HSPG2: variants seen among roughly 807,000 people sequenced by gnomAD.
The protein encoded by HSPG2 is heparan sulfate proteoglycan 2.
HSPG2 carries 278 observed loss-of-function variants against 526.6 expected under a neutral mutation model. The observed-to-expected ratio is 0.53, with a 90% CI of 0.48 to 0.58. The LOEUF (loss-of-function observed/expected upper bound fraction) is 0.58, where lower values mean the gene tolerates loss of function less well. HSPG2 is among the 20% of genes least tolerant of loss of function. HSPG2 has a pLI of 0.00. For missense variants in HSPG2, 5,354 were observed against 6,099.5 expected (o/e 0.88, Z 4.07); for synonymous variants, 2,465 against 2,555.4 (o/e 0.96, Z 1.07).
At chr1:21,905,299 T>C (rs1643321283) in intron 1 of HSPG2, among the ~76,000 whole-genome samples, 1 of 150,822 alleles carries the variant, frequency 6.6e-6, no homozygotes, top group Non-Finnish European at 1.5e-5. Flanking sequence ...CCAACCTCTT[T>C]TGCTACTGTG....
Position 21,831,743 on chromosome 1 carries a change from A to G in HSPG2, c.11261T>C (p.Leu3754Pro), listed in dbSNP as rs771019769. The change falls in exon 82 of 97, where the codon CTG (leucine) becomes CCG (proline). Residue 3754 changes from leucine (L) to proline (P), a missense_variant. Coordinates refer to ENST00000374695, the MANE Select transcript of HSPG2 (RefSeq NM_005529.7). ...ATIRHPTPLA[L>P]GHFHTVTLLR... is the part of the protein sequence containing the mutation. ...CAGGGTCACGGTGTGGAAATGGCCC[A>G]GGGCCAGTGGTGTGGGATGGCGGAT... 3.3e-5 allele frequency: 53 copies of G among 1,606,292 alleles called. No homozygotes were observed. The highest frequency in any genetic ancestry group is 4.2e-5 in the Non-Finnish European group (49 of 1,174,892).
chr1:21,930,046 A>T (rs1002187403), intron 1 of HSPG2, among the ~76,000 whole-genome samples: 2 of 152,106 alleles, frequency 1.3e-5, no homozygotes, highest in African/African-American at 4.8e-5. Context: ...TCCCATGGCC[A>T]AAGCTCTGCT....
Position 21,854,338 on chromosome 1 carries a change from G to C in HSPG2, c.6294C>G (p.His2098Gln), listed in dbSNP as rs777974605. Residue 2098 changes from histidine (H) to glutamine (Q), a missense_variant, in exon 50 of 97, where the codon CAC becomes CAG. By Grantham distance (24) the His-to-Gln change is conservative. Coordinates refer to ENST00000374695, the MANE Select transcript of HSPG2 (RefSeq NM_005529.7). ...GGSLPPHTQV[H>Q]GSRLRLPQVS... ...CCTGGGGGAGCCGCAGACGGGAGCCGTGCACCTGGGCCAGGAGGAGCCAGA... is the reference window on the plus strand; with the variant it reads ...CCTGGGGGAGCCGCAGACGGGAGCCCTGCACCTGGGCCAGGAGGAGCCAGA... 1.3e-6 allele frequency: 2 copies of C among 1,567,854 alleles called. No individual in the cohort carries two copies. The highest frequency in any genetic ancestry group is 1.9e-5 in the Admixed American group (1 of 52,438).
intron 33 of HSPG2, chr1:21,869,431 G>A: frequency 1.0e-6 from 1 of 985,340 alleles, no homozygotes; most frequent in Non-Finnish European, 1.2e-6. Context: ...AAGCATGGTG[G>A]GTGGGGATCC....
In HSPG2 at chr1:21,887,266, G is replaced by A. The variant is rs549654655; in HGVS notation, c.1027C>T (p.Arg343Cys). The change falls in exon 9 of 97, where the codon CGC becomes TGC. Residue 343 changes from arginine to cysteine, a missense_variant. Coordinates refer to ENST00000374695, the MANE Select transcript of HSPG2 (RefSeq NM_005529.7). This position sits in a 1 kb window ranked among gnomAD's most constrained non-coding sequence, Gnocchi z 5.0. ...GNGHCALKLWRCDGDFDCEDR... is the reference protein window; with the variant it reads ...GNGHCALKLWCCDGDFDCEDR... ...TCACAGTCAAAGTCACCATCGCAGC[G>A]CCACAGCTTGAGGGCACAATGTCCA... The A allele has an allele frequency of 7.4e-6, 12 of 1,613,860 alleles. No individual in the cohort carries two copies. The highest frequency in any genetic ancestry group is 4.4e-5 in the South Asian group (4 of 91,070).
intron 1 of HSPG2, among the ~76,000 whole-genome samples, chr1:21,899,662 C>G (rs774054669): frequency 1.6e-4 from 25 of 152,158 alleles, no homozygotes; most frequent in Non-Finnish European, 3.1e-4. Context: ...TGCAAAGCCT[C>G]TCAGCCACAC....
chr1:21,908,702 C>A, intron 1 of HSPG2: 53 of 420,460 alleles, frequency 1.3e-4, no homozygotes, highest in Non-Finnish European at 1.6e-4. Flanking sequence ...TGAAAGCCAT[C>A]AACTTAAACG....
chr1:21,828,089 G>A lies in HSPG2; in HGVS notation c.12473C>T (p.Thr4158Ile), dbSNP rs2097984608. ...GCAGAGGCAGCGGGTGCCCTGGCAG[G>A]TGCCCCCATGCAGACAGGGTTCACG... is the stretch of plus-strand genomic sequence containing the variant. The part of the protein sequence containing the change: ...QLREPCLHGG[T>I]CQGTRCLCLP... Residue 4158 changes from threonine (T) to isoleucine (I), a missense_variant, in exon 90 of 97, where the codon ACC becomes ATC. Physicochemically the swap from Thr to Ile is moderately conservative, Grantham distance 89. Transcript: ENST00000374695. The surrounding 1 kb of genome is among the most constrained non-coding windows in gnomAD (Gnocchi z 6.0). The A allele has an allele frequency of 3.1e-6, 5 of 1,613,248 alleles. No individual in the cohort carries two copies. The highest frequency in any genetic ancestry group is 1.1e-5 in the South Asian group (1 of 91,072).
chr1:21,857,225 G>T (rs748482700), intron 43 of HSPG2, 30 bp from the exon 44 acceptor site: 2 of 1,613,848 alleles, frequency 1.2e-6, no homozygotes, highest in Non-Finnish European at 1.7e-6. Flanking sequence ...GGGGTCATGG[G>T]TGGGGCTCAG....
intron 77 of HSPG2, 78 bp downstream of exon 77, chr1:21,834,601 G>T: frequency 6.6e-7 from 1 of 1,524,202 alleles, no homozygotes. Flanking sequence ...AGAGCAGAGC[G>T]GGCAGGCAGA....
Position 21,890,713 on chromosome 1 carries a change from A to T in HSPG2, c.245-19T>A. The T allele has an allele frequency of 2.5e-6, 4 of 1,587,260 alleles. No individual in the cohort carries two copies. Among genetic ancestry groups the T allele is most frequent in the Non-Finnish European group, 3.5e-6 (4 of 1,157,336 alleles). ...AAATAAACTGGAAAATCGAAGGAGG[A>T]TCATTTTGAGAGCCCCAGCCTGGCA... On this transcript the variant is annotated intron_variant, in intron 3 of 96. Transcript: ENST00000374695. This position sits in a 1 kb window ranked among gnomAD's most constrained non-coding sequence, Gnocchi z 4.1.
rs2098038778 is a variant in HSPG2, at chr1:21,839,148, T to C, written c.9890-63A>G. 1 of 1,539,870 alleles carries C rather than the reference T, an allele frequency of 6.5e-7. No homozygotes were observed. The highest frequency in any genetic ancestry group is 1.3e-5 in the South Asian group (1 of 79,718). On this transcript the variant is annotated intron_variant, in intron 73 of 96. Coordinates refer to ENST00000374695, the MANE Select transcript of HSPG2 (RefSeq NM_005529.7). This position sits in a 1 kb window ranked among gnomAD's most constrained non-coding sequence, Gnocchi z 4.5. The stretch of plus-strand genomic sequence containing the variant: ...CAAAGGTCAGAATGGCAGCAGGTCG[T>C]TGGATCCAGTGTCCAGGGAAGCTGA...
At chr1:21,888,528 A>T (rs1642115453) in intron 6 of HSPG2, 1 of 454,878 alleles carries the variant, frequency 2.2e-6, no homozygotes, top group African/African-American at 2.1e-5. Context: ...CTGGTCTCGA[A>T]CTCTTTGCCT....
intron 47 of HSPG2, 41 bp downstream of exon 47, chr1:21,855,263 G>C: frequency 1.3e-6 from 2 of 1,580,152 alleles, no homozygotes; most frequent in Non-Finnish European, 1.7e-6. Flanking sequence ...TCTCTGCAGA[G>C]CCTGTGGGCC....
chr1:21,825,682 A>C (rs1340928622), intron 91 of HSPG2, among the ~76,000 whole-genome samples: 1 of 152,218 alleles, frequency 6.6e-6, no homozygotes, highest in Non-Finnish European at 1.5e-5. Context: ...AACACCTATG[A>C]TGTGGCTGTG....
In HSPG2 at chr1:21,881,664, C is replaced by T. The variant is rs149622584; in HGVS notation, c.1655-162G>A. Among the ~76,000 whole-genome samples the T allele has an allele frequency of 2.8e-3, 432 of 152,012 alleles. 4 individuals carry two copies. The highest frequency in any genetic ancestry group is 9.8e-3 in the African/African-American group (408 of 41,478). On this transcript the variant is annotated intron_variant, in intron 13 of 96. Coordinates refer to ENST00000374695, the MANE Select transcript of HSPG2 (RefSeq NM_005529.7). Reference sequence around the variant, plus strand: ...AAGTGAAGAAAATGCAGTTTTTTGCCGGGTGTGGTGGCTCACGCCTATAAT... The same window carrying T: ...AAGTGAAGAAAATGCAGTTTTTTGCTGGGTGTGGTGGCTCACGCCTATAAT...
intron 33 of HSPG2, chr1:21,869,593 TG>T: frequency 1.0e-6 from 1 of 985,808 alleles, no homozygotes; most frequent in Non-Finnish European, 1.2e-6. Flanking sequence ...GGGAGGGGGT[TG>T]GGGTTGGGCA....
In HSPG2 at chr1:21,875,629, C is replaced by T. The variant is rs768872817; in HGVS notation, c.3302G>A (p.Arg1101Lys). Residue 1101 changes from arginine to lysine, a missense_variant and splice_region_variant, in exon 25 of 97, where the codon AGG (arginine) becomes AAG (lysine). Arg to Lys is a conservative substitution (Grantham distance 26, BLOSUM62 2). Coordinates refer to ENST00000374695, the MANE Select transcript of HSPG2 (RefSeq NM_005529.7). ...GTCCTCCTGCCCCGGCTCCAGACAC[C>T]TGCTCTCAGCGGGCTGCTGGGCGTA... is the stretch of plus-strand genomic sequence containing the variant. The part of the protein sequence containing the change: ...ASYAQQPAES[R>K]VSGISMDVAV... 1 of 1,600,656 alleles carries T rather than the reference C, an allele frequency of 6.2e-7. No homozygotes were observed. The highest frequency in any genetic ancestry group is 8.5e-7 in the Non-Finnish European group (1 of 1,179,570).
rs1477758969 is a variant in HSPG2, at chr1:21,841,242, C to G, written c.9372G>C (p.Val3124=). 1 of 1,613,900 alleles carries G rather than the reference C, an allele frequency of 6.2e-7. No individual in the cohort carries two copies. The highest frequency in any genetic ancestry group is 8.5e-7 in the Non-Finnish European group (1 of 1,180,048). ...VSVLPEGPVW[V]KVGKAVTLEC... is the part of the protein sequence containing the mutation. ...CCAGGGTGACAGCCTTTCCCACTTTCACCCACACGGGGCCCTCGGGGAGCA... is the reference window on the plus strand; with the variant it reads ...CCAGGGTGACAGCCTTTCCCACTTTGACCCACACGGGGCCCTCGGGGAGCA... The change falls in exon 71 of 97, where the codon GTG becomes GTC. Residue 3124 remains valine (V), a synonymous_variant. Coordinates refer to ENST00000374695, the MANE Select transcript of HSPG2 (RefSeq NM_005529.7).
Sources: allele counts gnomAD v4.1 joint callset (sites outside exome capture counted in the v4.1 genomes callset), GRCh38; gene constraint gnomAD v4.1.1; non-coding constraint Gnocchi (gnomAD v3.1); transcripts MANE v1.5; gene names NCBI Gene and HGNC (gene_info 2026-07-23, HGNC 2026-07-21).